Variants in ACSS3 observed in about 807,000 individuals in gnomAD.
ACSS3 encodes the protein acyl-CoA synthetase short chain family member 3.
Under a neutral mutation model 84.2 loss-of-function variants are expected in ACSS3, and 64 were observed. That is an observed-to-expected ratio of 0.76 (90% confidence interval 0.62 to 0.94). The LOEUF is 0.94. Ranked by LOEUF, ACSS3 falls within the 40% of genes least tolerant of loss-of-function variation. ACSS3 has a pLI of 0.00. For synonymous variants in ACSS3, 317 were observed against 310.1 expected, an observed-to-expected ratio of 1.02 and a Z score of -0.23; for missense variants, 815 against 867.6, an observed-to-expected ratio of 0.94 and a Z score of 0.76.
intron 5 of ACSS3, among the ~76,000 whole-genome samples, chr12:81,145,476 G>T (rs1886297344): frequency 6.6e-6 from 1 of 152,160 alleles, no homozygotes; most frequent in African/African-American, 2.4e-5. Flanking sequence ...ATTGAACTAG[G>T]TATGAACATA....
chr12:81,150,976 G>A (rs189297108), intron 5 of ACSS3, among the ~76,000 whole-genome samples: 59 of 152,254 alleles, frequency 3.9e-4, no homozygotes, highest in African/African-American at 1.4e-3. Flanking sequence ...CTTAGCAGGT[G>A]TTCACCTACT....
intron 8 of ACSS3, among the ~76,000 whole-genome samples, chr12:81,188,544 T>C (rs758584065): frequency 6.6e-6 from 1 of 152,102 alleles, no homozygotes; most frequent in Non-Finnish European, 1.5e-5. Flanking sequence ...CCCAAAAATA[T>C]GCCTTATCCT....
chr12:81,127,777 C>T (rs992838808), intron 2 of ACSS3, among the ~76,000 whole-genome samples: 1 of 152,166 alleles, frequency 6.6e-6, no homozygotes, highest in South Asian at 2.1e-4. Flanking sequence ...AATTTGGAAA[C>T]TAGGGAACTA....
intron 1 of ACSS3, among the ~76,000 whole-genome samples, chr12:81,083,690 G>C (rs1881136574): frequency 6.6e-6 from 1 of 151,970 alleles, no homozygotes; most frequent in African/African-American, 2.4e-5. Flanking sequence ...AGAAAAAATG[G>C]GCAGGGCGCA....
intron 1 of ACSS3, among the ~76,000 whole-genome samples, chr12:81,088,046 T>C (rs1424896310): frequency 2.6e-5 from 4 of 152,126 alleles, no homozygotes; most frequent in Non-Finnish European, 5.9e-5. Context: ...TGTAGGAAGA[T>C]TGGTCTTCCC....
At chr12:81,108,652 C>A (rs1883296585) in intron 1 of ACSS3, among the ~76,000 whole-genome samples, 1 of 152,110 alleles carries the variant, frequency 6.6e-6, no homozygotes, top group Non-Finnish European at 1.5e-5. Flanking sequence ...TCACACAGGG[C>A]TCTTTGAGTG....
rs1186033840 is a variant in ACSS3, at chr12:81,259,615, T to C, written c.*4693T>C. The C allele has an allele frequency of 6.5e-7, 1 of 1,530,712 alleles. No individual in the cohort carries two copies. The highest frequency in any genetic ancestry group is 1.2e-5 in the South Asian group (1 of 83,946). The allele number at this position is 1,530,712 out of a possible 1,614,324, so 94.8% of individuals were successfully genotyped here. A position where few individuals can be genotyped will look rare whatever the true frequency, so the allele number is the denominator to read the frequency against. The stretch of plus-strand genomic sequence containing the variant: ...ACAAAGGTTTTCACTGCTCGTCTTC[T>C]TAGATGGTAGTGCACTTTAGGTAGA... On this transcript the variant is annotated 3_prime_UTR_variant, in exon 16 of 16. Coordinates refer to ENST00000548058, the MANE Select transcript of ACSS3 (RefSeq NM_024560.4).
chr12:81,103,997 TAC>T (rs1448511851), intron 1 of ACSS3, among the ~76,000 whole-genome samples: 1 of 152,198 alleles, frequency 6.6e-6, no homozygotes, highest in Non-Finnish European at 1.5e-5. Flanking sequence ...AGTCTTGGAC[TAC>T]AGTAAAAGAT....
At chr12:81,220,749 G>A (rs573422031) in intron 11 of ACSS3, among the ~76,000 whole-genome samples, 150 of 152,064 alleles carry the variant, frequency 9.9e-4, no homozygotes, top group African/African-American at 3.4e-3. Context: ...TTACAATGGC[G>A]AATCAATTTA....
Position 81,253,495 on chromosome 12 carries a change from A to C in ACSS3, c.1820A>C (p.Asp607Ala), listed in dbSNP as rs2034215298. 6.2e-7 allele frequency: 1 copy of C among 1,613,680 alleles called. No individual in the cohort carries two copies. Among genetic ancestry groups the C allele is most frequent in the Non-Finnish European group, 8.5e-7 (1 of 1,179,694 alleles). Residue 607 changes from aspartate (D) to alanine (A), a missense_variant and splice_region_variant, in exon 15 of 16, where the codon GAT becomes GCT. Transcript: ENST00000548058. ...VPLALCVLRK[D>A]INATEEQVLE... Reference sequence around the variant, plus strand: ...CTTACCATCTGAACTTTCTCTCTAGATATAAATGCAACAGAGGAGCAAGTT... The same window carrying C: ...CTTACCATCTGAACTTTCTCTCTAGCTATAAATGCAACAGAGGAGCAAGTT...
intron 13 of ACSS3, among the ~76,000 whole-genome samples, chr12:81,249,573 T>G (rs906530976): frequency 6.6e-6 from 1 of 152,064 alleles, no homozygotes; most frequent in Non-Finnish European, 1.5e-5. Flanking sequence ...ATTGAATATA[T>G]TTCCATAAAG....
intron 1 of ACSS3, among the ~76,000 whole-genome samples, chr12:81,102,239 A>G (rs1201599336): frequency 6.6e-6 from 1 of 152,098 alleles, no homozygotes; most frequent in Non-Finnish European, 1.5e-5. Flanking sequence ...CCTTCTTCCT[A>G]TGAGTGTTTA....
chr12:81,114,342 A>G (rs1462803646), intron 2 of ACSS3, among the ~76,000 whole-genome samples: 5 of 152,156 alleles, frequency 3.3e-5, no homozygotes, highest in Non-Finnish European at 5.9e-5. Context: ...ATCAAGGGCC[A>G]TGTCCCATGA....
chr12:81,243,079 G>A (rs1300989294), intron 13 of ACSS3, among the ~76,000 whole-genome samples: 2 of 152,064 alleles, frequency 1.3e-5, no homozygotes, highest in African/African-American at 4.8e-5. Context: ...GTCCCTGTTT[G>A]CAGATGACAT....
At chr12:81,093,801 CTTATTTATTTATAT>C (rs1158367994) in intron 1 of ACSS3, among the ~76,000 whole-genome samples, 2 of 151,954 alleles carry the variant, frequency 1.3e-5, no homozygotes, top group African/African-American at 4.8e-5. Context: ...AGTTTTTGCA[CTTATTTATTTATAT>C]TTTATGTGTA....
chr12:81,168,967 A>G (rs561578283), intron 7 of ACSS3, among the ~76,000 whole-genome samples: 2 of 152,330 alleles, frequency 1.3e-5, no homozygotes, highest in Admixed American at 1.3e-4. Context: ...GCCGCAGATT[A>G]GAATTACTTG....
At position 81,143,250 on chromosome 12, in the gene ACSS3, A is replaced by C. The variant is rs748069931; in HGVS notation, c.921+3A>C. On this transcript the variant is annotated splice_donor_region_variant and intron_variant, in intron 5 of 15. Transcript: ENST00000548058. ...CTGGCACAACGGGGTTACCTAAGGT[A>C]CTCACTCTCTTAGAGATAACTATCT... 2.5e-6 allele frequency: 4 copies of C among 1,585,024 alleles called. No homozygotes were observed. Among genetic ancestry groups the C allele is most frequent in the Non-Finnish European group, 3.4e-6 (4 of 1,160,188 alleles).
chr12:81,176,028 G>A (rs1310301484), intron 8 of ACSS3, among the ~76,000 whole-genome samples: 2 of 151,972 alleles, frequency 1.3e-5, no homozygotes, highest in Admixed American at 1.3e-4. Context: ...AAATTTAGAT[G>A]CTAAAAAACC....
intron 2 of ACSS3, among the ~76,000 whole-genome samples, chr12:81,127,183 A>G (rs1289619095): frequency 1.3e-5 from 2 of 151,880 alleles, no homozygotes; most frequent in East Asian, 3.9e-4. Context: ...ATCATCTTCA[A>G]TGAAAATTAT....
Sources: gnomAD v4.1 joint callset for allele counts (sites outside exome capture counted in the v4.1 genomes callset) on GRCh38, gnomAD v4.1.1 for gene constraint, MANE v1.5 for transcripts, NCBI Gene and HGNC (gene_info 2026-07-23, HGNC 2026-07-21) for gene names.